The following APLP2 variants were observed in gnomAD, a reference collection of about 807,000 sequenced individuals.
The protein encoded by APLP2 is amyloid beta precursor like protein 2.
In APLP2, 53 loss-of-function variants were observed where a neutral mutation model predicts 89.9. The observed-to-expected ratio is 0.59, with a 90% CI of 0.47 to 0.74. The LOEUF (loss-of-function observed/expected upper bound fraction) is 0.74, where lower values mean the gene tolerates loss of function less well. Among genes scored for constraint, APLP2 ranks in the 30% least tolerant of loss-of-function variants. The pLI is 0.00. For missense variants in APLP2, 973 were observed against 975.9 expected (o/e 1.00, Z 0.04); for synonymous variants, 372 against 348.6 (o/e 1.07, Z -0.75).
intron 7 of APLP2, among the ~76,000 whole-genome samples, chr11:130,124,694 T>C (rs756670996): frequency 3.3e-5 from 5 of 152,198 alleles, no homozygotes; most frequent in Admixed American, 2.0e-4. Context: ...TGTTCCCTCT[T>C]CCTTCCTTCT....
intron 8 of APLP2, among the ~76,000 whole-genome samples, 187 bp from the exon 9 acceptor site, chr11:130,127,579 C>T (rs1468449797): frequency 6.6e-6 from 1 of 152,174 alleles, no homozygotes; most frequent in East Asian, 1.9e-4. Flanking sequence ...ATTGAGGCTC[C>T]ATCTGGGGAT....
intron 11 of APLP2, among the ~76,000 whole-genome samples, chr11:130,132,984 T>TC (rs1951099810): frequency 6.6e-6 from 1 of 151,952 alleles, no homozygotes; most frequent in African/African-American, 2.4e-5. Context: ...GAGTTCTTTT[T>TC]TTTTTTTTTG....
intron 16 of APLP2, 145 bp downstream of exon 16, chr11:130,142,219 G>T (rs1005340890): frequency 2.0e-6 from 2 of 1,006,512 alleles, no homozygotes; most frequent in East Asian, 5.9e-5. Flanking sequence ...TTCCTAGGTC[G>T]TGTTTTTGGA....
chr11:130,132,629 A>C (rs1323891635), intron 11 of APLP2, among the ~76,000 whole-genome samples: 1 of 150,636 alleles, frequency 6.6e-6, no homozygotes, highest in African/African-American at 2.5e-5. Flanking sequence ...TAAATAATGA[A>C]TAACCTTAGA....
At chr11:130,082,898 T>C (rs981811890) in intron 1 of APLP2, 1 of 152,666 alleles carries the variant, frequency 6.6e-6, no homozygotes, top group Non-Finnish European at 1.5e-5. Flanking sequence ...TCCTTCCAGA[T>C]GTTTTACACA....
chr11:130,114,003 T>C (rs893226103), intron 3 of APLP2, among the ~76,000 whole-genome samples: 1 of 152,190 alleles, frequency 6.6e-6, no homozygotes, highest in Non-Finnish European at 1.5e-5. Context: ...GCAAACATGG[T>C]ATCCTTATGC....
chr11:130,082,878 T>C (rs908288265), intron 1 of APLP2: 2 of 153,602 alleles, frequency 1.3e-5, no homozygotes, highest in Non-Finnish European at 2.9e-5. Context: ...TCTTACTGAT[T>C]TATAGTGTTT....
At chr11:130,117,585 A>G (rs1949342272) in intron 3 of APLP2, among the ~76,000 whole-genome samples, 1 of 151,926 alleles carries the variant, frequency 6.6e-6, no homozygotes, top group Non-Finnish European at 1.5e-5. Context: ...TTGTATTTTT[A>G]GTAGAGGTGG....
chr11:130,077,786 G>A (rs1214072735), intron 1 of APLP2, among the ~76,000 whole-genome samples: 1 of 152,176 alleles, frequency 6.6e-6, no homozygotes, highest in African/African-American at 2.4e-5. Flanking sequence ...AACACATAGT[G>A]TTAATTATTT....
intron 1 of APLP2, among the ~76,000 whole-genome samples, chr11:130,086,080 A>G (rs1352182221): frequency 6.6e-6 from 1 of 152,248 alleles, no homozygotes; most frequent in Non-Finnish European, 1.5e-5. Context: ...GCTGGATCAT[A>G]TAGTAATTCT....
intron 1 of APLP2, among the ~76,000 whole-genome samples, chr11:130,100,926 G>A (rs1000903938): frequency 3.3e-5 from 5 of 152,032 alleles, no homozygotes; most frequent in African/African-American, 7.2e-5. Flanking sequence ...CTATACAACC[G>A]GAAAATGCTT....
At position 130,141,628 on chromosome 11, in the gene APLP2, C is replaced by G. The variant is rs1475473622; in HGVS notation, c.1998+56C>G. The stretch of plus-strand genomic sequence containing the variant: ...CCTGCCAATCTTAGGTATTTCTCCT[C>G]TGGACCTTCTCAGTTCAAGTAGAAA... On this transcript the variant is annotated intron_variant, in intron 15 of 16. Coordinates refer to ENST00000338167, the MANE Select transcript of APLP2 (RefSeq NM_001142276.2). This position sits in a 1 kb window ranked among gnomAD's most constrained non-coding sequence, Gnocchi z 4.2. The G allele has an allele frequency of 3.4e-6, 5 of 1,487,658 alleles. No homozygotes were observed. Among genetic ancestry groups the G allele is most frequent in the Non-Finnish European group, 4.7e-6 (5 of 1,067,426 alleles). 92.2% of individuals were successfully genotyped at this position (1,487,658 alleles called of 1,614,324 possible).
At chr11:130,117,750 A>G (rs1949361876) in intron 3 of APLP2, among the ~76,000 whole-genome samples, 2 of 152,134 alleles carry the variant, frequency 1.3e-5, no homozygotes, top group East Asian at 3.8e-4. Flanking sequence ...TTTTTAGTTT[A>G]TCCAAGGTGT....
chr11:130,106,020 C>T (rs970691724), intron 1 of APLP2, among the ~76,000 whole-genome samples: 18 of 152,288 alleles, frequency 1.2e-4, no homozygotes, highest in Admixed American at 1.1e-3. Flanking sequence ...GTGCTTTTCT[C>T]GTGCATGTCT....
intron 1 of APLP2, among the ~76,000 whole-genome samples, chr11:130,102,341 C>G (rs1047341425): frequency 1.3e-5 from 2 of 152,036 alleles, no homozygotes; most frequent in Admixed American, 6.6e-5. Flanking sequence ...TAACTAGATG[C>G]CTCGAAGGCC....
chr11:130,102,345 G>A (rs7126249), intron 1 of APLP2, among the ~76,000 whole-genome samples: 33,702 of 151,988 alleles, frequency 0.22, 5,202 homozygotes, highest in East Asian at 0.43. Flanking sequence ...TAGATGCCTC[G>A]AAGGCCTGCT....
chr11:130,107,746 C>G (rs996463008), intron 1 of APLP2, among the ~76,000 whole-genome samples: 7 of 152,128 alleles, frequency 4.6e-5, no homozygotes, highest in African/African-American at 1.7e-4. Context: ...AAAAAGAGCC[C>G]GCGTTGCCAA....
intron 13 of APLP2, chr11:130,137,357 C>A: frequency 1.4e-6 from 2 of 1,412,874 alleles, no homozygotes; most frequent in Non-Finnish European, 2.0e-6. Flanking sequence ...GTGTCCGAAG[C>A]TTCATGTTCT....
intron 9 of APLP2, among the ~76,000 whole-genome samples, chr11:130,128,128 G>T (rs1014105088): frequency 5.9e-5 from 9 of 152,196 alleles, no homozygotes; most frequent in African/African-American, 2.2e-4. Flanking sequence ...GCCATTTTCA[G>T]TCTTAGACTG....
Sources: allele counts gnomAD v4.1 joint callset (sites outside exome capture counted in the v4.1 genomes callset), GRCh38; gene constraint gnomAD v4.1.1; non-coding constraint Gnocchi (gnomAD v3.1); transcripts MANE v1.5; gene names NCBI Gene and HGNC (gene_info 2026-07-23, HGNC 2026-07-21).